Variants in OR4Q3 observed in about 807,000 individuals in gnomAD.
OR4Q3 encodes the protein olfactory receptor 4Q3.
OR4Q3 carries 17 observed loss-of-function variants against 18.8 expected under a neutral mutation model. The observed-to-expected ratio is 0.91, with a 90% CI of 0.62 to 1.36. The LOEUF is 1.36. Ranked by LOEUF, OR4Q3 falls within the 40% of genes most tolerant of loss-of-function variation. The pLI, the probability that OR4Q3 is intolerant of heterozygous loss-of-function variation, is 0.00. For synonymous variants in OR4Q3, 158 were observed against 145.8 expected (o/e 1.08, Z -0.60); for missense variants, 378 against 373.4 (o/e 1.01, Z -0.10).
At chr14:19,743,629 A>G (rs1270682169) in exon 1 of OR4Q3, 1 of 152,304 alleles carries the variant, frequency 6.6e-6, no homozygotes, top group African/African-American at 2.4e-5. Context: ...GCAGGATAAA[A>G]TCTTCCTTCC....
intron 1 of OR4Q3, among the ~76,000 whole-genome samples, chr14:19,745,312 A>G: frequency 2.0e-5 from 3 of 152,302 alleles, no homozygotes; most frequent in Admixed American, 6.5e-5. Flanking sequence ...TATATTTTAC[A>G]TATTCTTCCC....
chr14:19,749,297 C>G, exon 2 of OR4Q3: 1 of 152,188 alleles, frequency 6.6e-6, no homozygotes, highest in East Asian at 1.9e-4. Flanking sequence ...AGTGACTTGC[C>G]CATGACCACT....
At chr14:19,747,589 C>A in exon 2 of OR4Q3, 1 of 1,613,948 alleles carries the variant, frequency 6.2e-7, no homozygotes, top group South Asian at 1.1e-5. Context: ...CCCATGCTCA[C>A]CTGCTCCAAT....
intron 1 of OR4Q3, among the ~76,000 whole-genome samples, chr14:19,746,852 G>A: frequency 6.6e-6 from 1 of 152,214 alleles, no homozygotes; most frequent in Non-Finnish European, 1.5e-5. Flanking sequence ...TATGCAGTAA[G>A]TATTGTGTTG....
downstream of OR4Q3, among the ~76,000 whole-genome samples, chr14:19,751,289 GT>G: frequency 6.6e-6 from 1 of 152,190 alleles, no homozygotes; most frequent in Non-Finnish European, 1.5e-5. Context: ...TGCTAGTATT[GT>G]GTTGAGGATT....
exon 2 of OR4Q3, chr14:19,748,771 G>A: frequency 5.6e-6 from 1 of 180,042 alleles, no homozygotes; most frequent in Non-Finnish European, 1.2e-5. Context: ...CTAGTGTTAG[G>A]AAGTTCCTTC....
At chr14:19,747,481 A>T in exon 2 of OR4Q3, 1 of 1,613,128 alleles carries the variant, frequency 6.2e-7, no homozygotes, top group South Asian at 1.1e-5. Context: ...TGGGCCTATC[A>T]TCTTCTTGGG....
chr14:19,745,919 T>C, intron 1 of OR4Q3, among the ~76,000 whole-genome samples: 20 of 152,152 alleles, frequency 1.3e-4, no homozygotes, highest in East Asian at 1.9e-4. Flanking sequence ...CACTCGGCTA[T>C]ATAGGCAGAT....
exon 2 of OR4Q3, chr14:19,747,861 T>G: frequency 2.5e-6 from 4 of 1,614,080 alleles, no homozygotes; most frequent in Non-Finnish European, 3.4e-6. Flanking sequence ...TGCCTTTGGT[T>G]GGTTCTTGCC....
At chr14:19,744,098 G>A (rs1414412557) in intron 1 of OR4Q3, among the ~76,000 whole-genome samples, 3 of 152,178 alleles carry the variant, frequency 2.0e-5, no homozygotes, top group African/African-American at 7.2e-5. Context: ...AATATAGAAT[G>A]CAATGTTTCA....
intron 1 of OR4Q3, among the ~76,000 whole-genome samples, chr14:19,744,857 A>G: frequency 6.6e-6 from 1 of 152,108 alleles, no homozygotes. Context: ...TGATGGGTGT[A>G]TTGTTCTTTT....
At chr14:19,751,496 G>C, downstream of OR4Q3, among the ~76,000 whole-genome samples, 7 of 151,672 alleles carry the variant, frequency 4.6e-5, no homozygotes, top group African/African-American at 1.7e-4. Context: ...ATTCAACTGT[G>C]AATCCCTCTG....
intron 1 of OR4Q3, among the ~76,000 whole-genome samples, 167 bp from the exon 2 acceptor site, chr14:19,747,239 G>C: frequency 7.2e-5 from 11 of 152,180 alleles, no homozygotes; most frequent in Non-Finnish European, 1.0e-4. Flanking sequence ...TGGAAGAAAT[G>C]AACAAAATTC....
At chr14:19,749,956 T>G, downstream of OR4Q3, among the ~76,000 whole-genome samples, 10 of 149,226 alleles carry the variant, frequency 6.7e-5, no homozygotes, top group African/African-American at 2.5e-4. Flanking sequence ...TCTCTTTTTC[T>G]TTCTCTCTCT....
At chr14:19,749,715 G>T, downstream of OR4Q3, among the ~76,000 whole-genome samples, 1 of 146,368 alleles carries the variant, frequency 6.8e-6, no homozygotes, top group South Asian at 2.1e-4. Context: ...TATACAGATT[G>T]CTTCTTTCTT....
At chr14:19,751,885 G>A, downstream of OR4Q3, among the ~76,000 whole-genome samples, 8 of 152,122 alleles carry the variant, frequency 5.3e-5, no homozygotes, top group East Asian at 7.7e-4. Context: ...ATTTCATTAA[G>A]TTGTTCTCTA....
intron 1 of OR4Q3, 140 bp from the exon 2 acceptor site, chr14:19,747,266 A>G: frequency 9.5e-6 from 4 of 419,968 alleles, no homozygotes; most frequent in African/African-American, 6.2e-5. Context: ...CTATCAATAT[A>G]AGAGTGTACT....
At chr14:19,747,372 A>T in intron 1 of OR4Q3, 34 bp from the exon 2 acceptor site, 1 of 1,194,754 alleles carries the variant, frequency 8.4e-7, no homozygotes, top group Non-Finnish European at 1.2e-6. Context: ...TATCTACCTT[A>T]AATCTCCCTT....
chr14:19,747,506 C>T, exon 2 of OR4Q3: 3 of 1,613,674 alleles, frequency 1.9e-6, no homozygotes, highest in Non-Finnish European at 2.5e-6. Context: ...GCAGCTATTT[C>T]TCTTCTTACT....
Sources: allele counts gnomAD v4.1 joint callset (sites outside exome capture counted in the v4.1 genomes callset), GRCh38; gene constraint gnomAD v4.1.1; transcripts MANE v1.5; gene names NCBI Gene and HGNC (gene_info 2026-07-23, HGNC 2026-07-21).